VSIG4: variants seen among roughly 807,000 people sequenced by gnomAD.
VSIG4 encodes V-set and immunoglobulin domain containing 4.
Under a neutral mutation model 23.4 loss-of-function variants are expected in VSIG4, and 34 were observed. The observed-to-expected ratio is 1.45, with a 90% CI of 1.10 to 1.93. VSIG4 has a LOEUF of 1.93. VSIG4 is among the 30% of genes most tolerant of loss of function. VSIG4 has a pLI of 0.00. For synonymous variants in VSIG4, 169 were observed against 120.3 expected (o/e 1.41, Z -2.65); for missense variants, 433 against 310.8 (o/e 1.39, Z -2.96).
At chrX:66,024,414 T>A (rs1034069320) in intron 6 of VSIG4, among the ~76,000 whole-genome samples, 1 of 112,120 alleles carries the variant, frequency 8.9e-6, no homozygotes, top group African/African-American at 3.2e-5. Context: ...ACTTCCCTGT[T>A]GCCCATCTAC....
rs187585226 is a variant in VSIG4, at chrX:66,032,715, G to T, written c.447C>A (p.Ser149Arg). The change falls in exon 3 of 8, where the codon AGC becomes AGA. Residue 149 changes from serine to arginine, a missense_variant. Physicochemically the swap from Ser to Arg is moderately radical, Grantham distance 110. Coordinates refer to ENST00000374737, the MANE Select transcript of VSIG4 (RefSeq NM_007268.3). ...SVSKPTVTTG[S>R]GYGFTVPQGM... The stretch of plus-strand genomic sequence containing the variant: ...CCTGGGGCACCGTGAAGCCATAACC[G>T]CTGCCAGTTGTCACTGTGGGCTTGG... The T allele has an allele frequency of 9.9e-6, 12 of 1,209,267 alleles. No individual in the cohort carries two copies. Among genetic ancestry groups the T allele is most frequent in the Non-Finnish European group, 1.3e-5 (12 of 894,975 alleles).
At chrX:66,033,353 C>T (rs2085487871) in intron 2 of VSIG4, 121 bp downstream of exon 2, 6 of 609,549 alleles carry the variant, frequency 9.8e-6, no homozygotes, top group Non-Finnish European at 1.3e-5. Context: ...CTGATAAGCA[C>T]ATATACCTGT....
In VSIG4 at chrX:66,021,931, T is replaced by C. The variant is rs946222299; in HGVS notation, c.*332A>G. 1.6e-6 allele frequency: 1 copy of C among 614,891 alleles called. No homozygotes were observed. Among genetic ancestry groups the C allele is most frequent in the African/African-American group, 2.3e-5 (1 of 44,116 alleles). 50.7% of individuals were successfully genotyped at this position (614,891 alleles called of 1,213,427 possible). ...GGCAGAGCTGAGCCTCCCTCGGGTC[T>C]TCTGGTGGCAAGATGCCAAAGTTGA... On this transcript the variant is annotated 3_prime_UTR_variant, in exon 8 of 8. Transcript: ENST00000374737.
At chrX:66,031,564 A>G (rs1268655667) in intron 3 of VSIG4, among the ~76,000 whole-genome samples, 1 of 110,754 alleles carries the variant, frequency 9.0e-6, no homozygotes, top group Non-Finnish European at 1.9e-5. Context: ...CTATCCTCAG[A>G]AGACAATAAT....
intron 1 of VSIG4, among the ~76,000 whole-genome samples, chrX:66,038,538 C>A (rs760508198): frequency 1.7e-4 from 19 of 110,481 alleles, no homozygotes; most frequent in African/African-American, 5.9e-4. Context: ...CACACACAAA[C>A]AAAGGATTTA....
chrX:66,037,764 A>T (rs2085633883), intron 1 of VSIG4, among the ~76,000 whole-genome samples: 1 of 103,029 alleles, frequency 9.7e-6, no homozygotes, highest in Non-Finnish European at 2.0e-5. Flanking sequence ...ATACGTATAT[A>T]TACTTATTGC....
intron 5 of VSIG4, among the ~76,000 whole-genome samples, chrX:66,025,895 C>A (rs1016069909): frequency 1.8e-5 from 2 of 112,305 alleles, no homozygotes; most frequent in Non-Finnish European, 3.8e-5. Context: ...TCCAAACCCT[C>A]CAAAGGGAAC....
Position 66,032,609 on chromosome X carries a change from G to T in VSIG4, c.553C>A (p.Gln185Lys). The change falls in exon 3 of 8, where the codon CAG becomes AAG. Residue 185 changes from glutamine (Q) to lysine (K), a missense_variant. By Grantham distance (53) the Gln-to-Lys change is moderately conservative. Transcript: ENST00000374737. ...AGGGTTGCTACTTTGATGGGTTCCT[G>T]GTTATTAGTCTGTTGCTTATACCAA... ...YIWYKQQTNN[Q>K]EPIKVATLST... 1.7e-6 allele frequency: 2 copies of T among 1,211,462 alleles called. No homozygotes were observed. The highest frequency in any genetic ancestry group is 2.2e-6 in the Non-Finnish European group (2 of 895,420).
At chrX:66,033,336 A>C in intron 2 of VSIG4, 138 bp downstream of exon 2, 1 of 555,402 alleles carries the variant, frequency 1.8e-6, no homozygotes, top group Non-Finnish European at 2.9e-6. Context: ...CTGCCTGTCC[A>C]CTTCCTCTGA....
chrX:66,036,685 G>T (rs1282871200), intron 1 of VSIG4, among the ~76,000 whole-genome samples: 8 of 43,480 alleles, frequency 1.8e-4, no homozygotes, highest in African/African-American at 3.7e-4. Flanking sequence ...TATATAATAC[G>T]ATATATTATT....
intron 1 of VSIG4, among the ~76,000 whole-genome samples, chrX:66,039,494 G>A (rs1365172967): frequency 1.8e-5 from 2 of 111,721 alleles, no homozygotes; most frequent in Non-Finnish European, 3.8e-5. Context: ...ACAATGAAGG[G>A]TGGTATAGGT....
chrX:66,035,332 C>A (rs1268022630), intron 1 of VSIG4, among the ~76,000 whole-genome samples: 3 of 112,039 alleles, frequency 2.7e-5, no homozygotes, highest in Non-Finnish European at 5.6e-5. Context: ...TTTCCTAATT[C>A]TATTTCTTTT....
Position 66,022,426 on chromosome X carries a change from T to A in VSIG4, c.1037A>T (p.Asp346Val). 8.3e-7 allele frequency: 1 copy of A among 1,211,985 alleles called. No individual in the cohort carries two copies. The highest frequency in any genetic ancestry group is 1.1e-6 in the Non-Finnish European group (1 of 895,550). The change falls in exon 8 of 8, where the codon GAT becomes GTT. Residue 346 changes from aspartate (D) to valine (V), a missense_variant. Asp to Val is a radical substitution (Grantham distance 152). Coordinates refer to ENST00000374737, the MANE Select transcript of VSIG4 (RefSeq NM_007268.3). ...GCCCAGATTCTGGGAAGTTGGCTCA[T>A]CACTGGAGCAGCCACTTGCGAAGAT... ...VAIFASGCSS[D>V]EPTSQNLGNN...
At chrX:66,024,618 G>C (rs1237343103) in intron 6 of VSIG4, among the ~76,000 whole-genome samples, 1 of 111,654 alleles carries the variant, frequency 9.0e-6, no homozygotes, top group Non-Finnish European at 1.9e-5. Context: ...CTTCTCCTCT[G>C]GATCCCTTTA....
intron 7 of VSIG4, 62 bp from the exon 8 acceptor site, chrX:66,022,562 C>A (rs761466569): frequency 1.1e-5 from 13 of 1,182,844 alleles, no homozygotes; most frequent in Admixed American, 4.7e-5. Context: ...TGGTTTCCCA[C>A]CCTTCTGCCT....
chrX:66,037,368 A>G (rs1175163766), intron 1 of VSIG4, among the ~76,000 whole-genome samples: 1 of 5,834 alleles, frequency 1.7e-4, no homozygotes, highest in African/African-American at 3.8e-3. Flanking sequence ...TTATATAATA[A>G]TATAATATAA....
At chrX:66,036,899 A>G (rs1412552867) in intron 1 of VSIG4, among the ~76,000 whole-genome samples, 1 of 39,736 alleles carries the variant, frequency 2.5e-5, no homozygotes, top group Non-Finnish European at 3.7e-5. Flanking sequence ...ATATTTTATT[A>G]TATAATATAT....
intron 1 of VSIG4, among the ~76,000 whole-genome samples, chrX:66,036,353 C>G (rs1006513537): frequency 8.4e-5 from 9 of 107,344 alleles, no homozygotes; most frequent in Non-Finnish European, 1.1e-4. Context: ...TGAAGTAAAC[C>G]ACAATACCAC....
intron 5 of VSIG4, among the ~76,000 whole-genome samples, chrX:66,027,011 C>A: frequency 9.0e-6 from 1 of 111,102 alleles, no homozygotes; most frequent in Non-Finnish European, 1.9e-5. Flanking sequence ...TCTCTGAGAC[C>A]CTGACTTGGG....
Sources: allele counts gnomAD v4.1 joint callset (sites outside exome capture counted in the v4.1 genomes callset), GRCh38; gene constraint gnomAD v4.1.1; transcripts MANE v1.5; gene names NCBI Gene and HGNC (gene_info 2026-07-23, HGNC 2026-07-21).